Variants in PCCA observed in about 807,000 individuals in gnomAD.
PCCA encodes propionyl-CoA carboxylase alpha chain, mitochondrial.
PCCA carries 74 observed loss-of-function variants against 101.3 expected under a neutral mutation model. The ratio of observed to expected loss-of-function variants is 0.73; its 90% CI spans 0.61 to 0.89. The LOEUF is 0.89. Ranked by LOEUF, PCCA falls within the 40% of genes least tolerant of loss-of-function variation. The probability of loss-of-function intolerance (pLI) is 0.00; values close to 1 mark genes in which losing one functional copy is unlikely to be tolerated. For missense variants in PCCA, 891 were observed against 907.0 expected, an observed-to-expected ratio of 0.98 and a Z score of 0.23; for synonymous variants, 294 against 313.6, an observed-to-expected ratio of 0.94 and a Z score of 0.66.
intron 12 of PCCA, among the ~76,000 whole-genome samples, chr13:100,283,298 C>T (rs1218447615): frequency 6.6e-6 from 1 of 152,140 alleles, no homozygotes; most frequent in Non-Finnish European, 1.5e-5. Flanking sequence ...TACCGGTCAG[C>T]AACCCATCCC....
chr13:100,527,293 C>T, intron 22 of PCCA: 1 of 474,232 alleles, frequency 2.1e-6, no homozygotes, highest in Non-Finnish European at 4.4e-6. Context: ...CTCTTCAACC[C>T]CAGGCAACCT....
At chr13:100,360,518 A>G (rs1286272727) in intron 18 of PCCA, among the ~76,000 whole-genome samples, 1 of 152,202 alleles carries the variant, frequency 6.6e-6, no homozygotes, top group Non-Finnish European at 1.5e-5. Context: ...TAGGCAAAAA[A>G]CTTCTTAGCA....
chr13:100,412,368 A>C (rs1366871789), intron 19 of PCCA, among the ~76,000 whole-genome samples: 1 of 152,192 alleles, frequency 6.6e-6, no homozygotes, highest in Non-Finnish European at 1.5e-5. Context: ...GCAGCTAGGG[A>C]ATCTGGGTGA....
In PCCA at chr13:100,293,597, A is replaced by G. The variant is rs577842870; in HGVS notation, c.1066-7863A>G. On this transcript the variant is annotated intron_variant, in intron 12 of 23. Transcript: ENST00000376285. ...GAAATTATTGGGAAAAGGATTTCTA[A>G]CTAATTGTAAAATTTCATTCTTGTC... Among the ~76,000 whole-genome samples, 3 of 152,322 alleles carry G rather than the reference A, an allele frequency of 2.0e-5. No individual in the cohort carries two copies. In the South Asian group the frequency reaches 6.2e-4, roughly 32 times the overall value.
At chr13:100,194,329 G>A (rs754764962) in intron 6 of PCCA, among the ~76,000 whole-genome samples, 3 of 152,010 alleles carry the variant, frequency 2.0e-5, no homozygotes, top group Non-Finnish European at 4.4e-5. Flanking sequence ...GGTAAATTTT[G>A]AAAGAAATTG....
chr13:100,152,461 T>A (rs1428434864), intron 4 of PCCA, among the ~76,000 whole-genome samples: 1 of 152,088 alleles, frequency 6.6e-6, no homozygotes, highest in East Asian at 1.9e-4. Context: ...TTATTTATTT[T>A]TTTGAGACAG....
intron 2 of PCCA, among the ~76,000 whole-genome samples, chr13:100,105,875 A>G (rs1194882882): frequency 1.5e-5 from 2 of 129,892 alleles, no homozygotes; most frequent in African/African-American, 2.9e-5. Flanking sequence ...AAAAAAAAAA[A>G]AAGAAAAGAA....
intron 12 of PCCA, among the ~76,000 whole-genome samples, chr13:100,297,477 T>C (rs2065648304): frequency 6.6e-6 from 1 of 152,182 alleles, no homozygotes; most frequent in South Asian, 2.1e-4. Flanking sequence ...ATGAGATACA[T>C]TAAGCACTCA....
At chr13:100,476,089 T>C (rs2083402486) in intron 21 of PCCA, among the ~76,000 whole-genome samples, 1 of 152,252 alleles carries the variant, frequency 6.6e-6, no homozygotes, top group Admixed American at 6.5e-5. Context: ...CATTTTCCTA[T>C]GCTCATTCTC....
intron 18 of PCCA, among the ~76,000 whole-genome samples, chr13:100,350,527 G>T (rs560943627): frequency 6.6e-6 from 1 of 152,122 alleles, no homozygotes; most frequent in Non-Finnish European, 1.5e-5. Flanking sequence ...GATATTTTCA[G>T]TTACTTAATA....
intron 17 of PCCA, among the ~76,000 whole-genome samples, chr13:100,334,735 G>A (rs1281062761): frequency 2.0e-5 from 3 of 152,156 alleles, no homozygotes; most frequent in African/African-American, 7.2e-5. Flanking sequence ...CAGCAAAAAG[G>A]TAAAGAGAAT....
chr13:100,478,017 A>T (rs556756483), intron 21 of PCCA, among the ~76,000 whole-genome samples: 1 of 152,312 alleles, frequency 6.6e-6, no homozygotes, highest in African/African-American at 2.4e-5. Flanking sequence ...GCTCGAGCTA[A>T]TCGGGCCTTT....
At chr13:100,346,533 C>A (rs2072252231) in intron 18 of PCCA, among the ~76,000 whole-genome samples, 1 of 152,168 alleles carries the variant, frequency 6.6e-6, no homozygotes, top group African/African-American at 2.4e-5. Flanking sequence ...GACTCTGCTT[C>A]TGGTGAAGAT....
intron 4 of PCCA, among the ~76,000 whole-genome samples, chr13:100,147,430 A>G (rs1176590741): frequency 6.6e-6 from 1 of 152,218 alleles, no homozygotes. Flanking sequence ...TAGGGCTTTA[A>G]GATCCCATGA....
chr13:100,226,618 A>G (rs1566748017), intron 7 of PCCA, among the ~76,000 whole-genome samples: 1 of 152,188 alleles, frequency 6.6e-6, no homozygotes, highest in Non-Finnish European at 1.5e-5. Context: ...CGTCTGATCC[A>G]GTGCATTATA....
At chr13:100,247,187 C>T (rs1291779304) in intron 8 of PCCA, among the ~76,000 whole-genome samples, 7 of 149,488 alleles carry the variant, frequency 4.7e-5, no homozygotes, top group Non-Finnish European at 7.4e-5. Flanking sequence ...AGATTACAGG[C>T]ATAAGCCACT....
At chr13:100,189,403 C>T (rs1336950857) in intron 6 of PCCA, among the ~76,000 whole-genome samples, 2 of 152,106 alleles carry the variant, frequency 1.3e-5, no homozygotes, top group Non-Finnish European at 2.9e-5. Context: ...AGTATATGCC[C>T]AGTAATGGAA....
intron 21 of PCCA, among the ~76,000 whole-genome samples, chr13:100,487,400 A>G (rs560007280): frequency 6.6e-5 from 10 of 152,358 alleles, no homozygotes; most frequent in African/African-American, 2.4e-4. Flanking sequence ...CGTGTTAACC[A>G]AGTTTCTGAC....
intron 4 of PCCA, among the ~76,000 whole-genome samples, chr13:100,134,019 A>C (rs1041291927): frequency 6.6e-6 from 1 of 151,948 alleles, no homozygotes; most frequent in Non-Finnish European, 1.5e-5. Context: ...CGGCTTTCCT[A>C]CTTTTGAGGT....
Sources: allele counts gnomAD v4.1 joint callset (sites outside exome capture counted in the v4.1 genomes callset), GRCh38; gene constraint gnomAD v4.1.1; transcripts MANE v1.5; gene names NCBI Gene and HGNC (gene_info 2026-07-23, HGNC 2026-07-21).